The following PIK3CB variants were observed in gnomAD, a reference collection of about 807,000 sequenced individuals.
PIK3CB encodes phosphatidylinositol 4,5-bisphosphate 3-kinase catalytic subunit beta isoform.
Under a neutral mutation model 136.8 loss-of-function variants are expected in PIK3CB, and 39 were observed. The observed-to-expected ratio is 0.29, with a 90% CI of 0.22 to 0.37. The LOEUF (loss-of-function observed/expected upper bound fraction) is 0.37, where lower values mean the gene tolerates loss of function less well. PIK3CB is among the 10% of genes least tolerant of loss of function. PIK3CB has a pLI of 1.00. For missense variants in PIK3CB, 868 were observed against 1,275.4 expected (o/e 0.68, Z 4.87); for synonymous variants, 428 against 436.6 (o/e 0.98, Z 0.25).
intron 8 of PIK3CB, among the ~76,000 whole-genome samples, chr3:138,718,015 T>C (rs2044648103): frequency 6.6e-6 from 1 of 152,236 alleles, no homozygotes; most frequent in Non-Finnish European, 1.5e-5. Context: ...TGTGTCTTTA[T>C]GCTAGAATGA....
Position 138,737,646 on chromosome 3 carries a change from T to A in PIK3CB, c.801+61A>T, listed in dbSNP as rs547760940. ...CACATTTTTAAAGTCAGAAATAAAATATATATATATATATATATACTCATA... is the reference window on the plus strand; with the variant it reads ...CACATTTTTAAAGTCAGAAATAAAAAATATATATATATATATATACTCATA... On this transcript the variant is annotated intron_variant, in intron 6 of 23. Coordinates refer to ENST00000674063, the MANE Select transcript of PIK3CB (RefSeq NM_006219.3). 2.5e-3 allele frequency: 522 copies of A among 210,646 alleles called. 6 individuals carry two copies. Among genetic ancestry groups the A allele is most frequent in the African/African-American group, 0.013 (428 of 33,302 alleles). 13.0% of individuals were successfully genotyped at this position (210,646 alleles called of 1,614,324 possible).
At chr3:138,770,848 A>G (rs2045790485) in intron 2 of PIK3CB, among the ~76,000 whole-genome samples, 1 of 151,576 alleles carries the variant, frequency 6.6e-6, no homozygotes, top group African/African-American at 2.4e-5. Flanking sequence ...AGAAGCTGGT[A>G]TTACAGGCAC....
intron 2 of PIK3CB, among the ~76,000 whole-genome samples, chr3:138,775,909 A>C (rs569542947): frequency 5.8e-4 from 88 of 152,304 alleles, no homozygotes; most frequent in Non-Finnish European, 1.1e-3. Flanking sequence ...ATTAAAAAGC[A>C]TACATTGGCC....
At chr3:138,728,997 C>G (rs1683435745) in intron 8 of PIK3CB, among the ~76,000 whole-genome samples, 1 of 151,954 alleles carries the variant, frequency 6.6e-6, no homozygotes. Flanking sequence ...ATCAAGATGG[C>G]AGGCTGGGCA....
At chr3:138,661,531 T>G (rs771513691) in intron 21 of PIK3CB, among the ~76,000 whole-genome samples, 4 of 152,250 alleles carry the variant, frequency 2.6e-5, no homozygotes, top group Non-Finnish European at 2.9e-5. Context: ...TATATATTTC[T>G]TAATTCCTTA....
chr3:138,832,988 G>C (rs1934108049), intron 1 of PIK3CB, among the ~76,000 whole-genome samples: 2 of 151,314 alleles, frequency 1.3e-5, no homozygotes, highest in Non-Finnish European at 2.9e-5. Flanking sequence ...CTCCAGCCTG[G>C]GCGACAGACC....
At chr3:138,742,491 T>C in intron 5 of PIK3CB, 67 bp downstream of exon 5, 1 of 732,496 alleles carries the variant, frequency 1.4e-6, no homozygotes, top group African/African-American at 1.8e-5. Context: ...CTTCTAAAAA[T>C]GCAGTTGTAT....
intron 4 of PIK3CB, among the ~76,000 whole-genome samples, chr3:138,745,146 A>C (rs1304515020): frequency 2.0e-5 from 3 of 152,186 alleles, no homozygotes; most frequent in Non-Finnish European, 4.4e-5. Context: ...ATGATGTTCT[A>C]TCCAGGTTCT....
chr3:138,727,300 T>C (rs2044860402), intron 8 of PIK3CB, among the ~76,000 whole-genome samples: 2 of 152,244 alleles, frequency 1.3e-5, no homozygotes, highest in Non-Finnish European at 2.9e-5. Context: ...TACTATATGA[T>C]ACTGTCAGCT....
At chr3:138,824,766 A>T (rs2108912514) in intron 1 of PIK3CB, among the ~76,000 whole-genome samples, 1 of 151,750 alleles carries the variant, frequency 6.6e-6, no homozygotes, top group East Asian at 1.9e-4. Context: ...GAAAGATCCT[A>T]GGCTGGGTGC....
intron 4 of PIK3CB, among the ~76,000 whole-genome samples, chr3:138,744,178 G>C (rs1310773754): frequency 1.3e-5 from 2 of 151,486 alleles, no homozygotes; most frequent in Non-Finnish European, 2.9e-5. Context: ...GATCACCTGA[G>C]GTCAGGAGTT....
intron 10 of PIK3CB, among the ~76,000 whole-genome samples, chr3:138,709,419 A>C (rs909370084): frequency 6.6e-6 from 1 of 152,206 alleles, no homozygotes. Context: ...AGAACATTAC[A>C]CAGAATGTGT....
intron 2 of PIK3CB, among the ~76,000 whole-genome samples, chr3:138,784,331 A>G (rs764337317): frequency 1.3e-5 from 2 of 152,136 alleles, no homozygotes; most frequent in African/African-American, 4.8e-5. Flanking sequence ...GCAATGAGCT[A>G]AGATCACGCC....
rs1200580172 is a variant in PIK3CB, at chr3:138,707,224, T to C, written c.1465A>G (p.Thr489Ala). The change falls in exon 11 of 24, where the codon ACA (threonine) becomes GCA (alanine). Residue 489 changes from threonine (T) to alanine (A), a missense_variant. Physicochemically the swap from Thr to Ala is moderately conservative, Grantham distance 58. This residue lies in a region of PIK3CB where 612 missense variants were observed against 801.1 expected (regional missense o/e 0.76). Transcript: ENST00000674063. Reference sequence around the variant, plus strand: ...TCTGGAAATTTAACATGCAAAGCTGTTGCATTTTCAGTATATGGATTTGTT... The same window carrying C: ...TCTGGAAATTTAACATGCAAAGCTGCTGCATTTTCAGTATATGGATTTGTT... ...VQTNPYTENATALHVKFPENK... is the reference protein window; with the variant it reads ...VQTNPYTENAAALHVKFPENK... 6.2e-7 allele frequency: 1 copy of C among 1,613,366 alleles called. No individual in the cohort carries two copies. The highest frequency in any genetic ancestry group is 8.5e-7 in the Non-Finnish European group (1 of 1,179,464).
intron 1 of PIK3CB, among the ~76,000 whole-genome samples, chr3:138,824,629 G>A (rs1335479397): frequency 6.6e-6 from 1 of 151,800 alleles, no homozygotes; most frequent in Non-Finnish European, 1.5e-5. Flanking sequence ...GGAGGCGGAG[G>A]TTGCAGTGAG....
chr3:138,749,736 C>G (rs1168812567), intron 4 of PIK3CB, among the ~76,000 whole-genome samples: 4 of 152,224 alleles, frequency 2.6e-5, no homozygotes. Context: ...GCATTGATGG[C>G]TCAGTGTAGG....
In PIK3CB at chr3:138,677,058, A is replaced by ATTT. The variant is rs5852918; in HGVS notation, c.2504+4906_2504+4908dup. Among the ~76,000 whole-genome samples the ATTT allele has an allele frequency of 2.1e-3, 307 of 143,590 alleles. 6 individuals are homozygous for ATTT. The East Asian group carries it at 0.028, about 13-fold the overall frequency. The allele number at this position is 143,590 out of a possible 152,430, so 94.2% of individuals were successfully genotyped here. A position where few individuals can be genotyped will look rare whatever the true frequency, so the allele number is the denominator to read the frequency against. ...ATACCCAGCTAAACTATTATGCAAG[A>ATTT]TTTTTTTTTTTTTTTTGAGATGGAG... On this transcript the variant is annotated intron_variant, in intron 19 of 23. Transcript: ENST00000674063.
At chr3:138,796,247 T>C (rs574924139) in intron 2 of PIK3CB, among the ~76,000 whole-genome samples, 9 of 151,966 alleles carry the variant, frequency 5.9e-5, no homozygotes, top group East Asian at 1.9e-4. Context: ...TAGCCGGGCA[T>C]TGTGGCATGT....
chr3:138,672,736 AC>A (rs1267568503), intron 19 of PIK3CB, among the ~76,000 whole-genome samples: 5 of 151,824 alleles, frequency 3.3e-5, no homozygotes, highest in Non-Finnish European at 7.4e-5. Flanking sequence ...ACATGGTGAA[AC>A]CCTGCCTCTA....
Sources: allele counts gnomAD v4.1 joint callset (sites outside exome capture counted in the v4.1 genomes callset), GRCh38; gene constraint gnomAD v4.1.1; regional missense constraint gnomAD v4.1.1; transcripts MANE v1.5; gene names NCBI Gene and HGNC (gene_info 2026-07-23, HGNC 2026-07-21).